The following HECTD4 variants were observed in gnomAD, a reference collection of about 807,000 sequenced individuals.
The protein encoded by HECTD4 is probable E3 ubiquitin-protein ligase HECTD4.
In HECTD4, 114 loss-of-function variants were observed where a neutral mutation model predicts 471.5. That is an observed-to-expected ratio of 0.24 (90% CI 0.21 to 0.28). The LOEUF is 0.28. Among genes scored for constraint, HECTD4 ranks in the 10% least tolerant of loss-of-function variants. HECTD4 has a pLI of 1.00. For missense variants in HECTD4, 3,866 were observed against 5,651.5 expected (o/e 0.68, Z 10.13); for synonymous variants, 2,012 against 2,256.0 (o/e 0.89, Z 3.07).
At chr12:112,171,827 A>G (rs1365966847) in intron 67 of HECTD4, among the ~76,000 whole-genome samples, 6 of 152,236 alleles carry the variant, frequency 3.9e-5, no homozygotes, top group Non-Finnish European at 8.8e-5. Flanking sequence ...AGCCCCTGGG[A>G]CGAGTGTAAT....
At chr12:112,278,362 C>T (rs764556216) in intron 9 of HECTD4, among the ~76,000 whole-genome samples, 2 of 152,084 alleles carry the variant, frequency 1.3e-5, no homozygotes, top group African/African-American at 4.8e-5. Flanking sequence ...TTCAATAAAG[C>T]CACCGCCCCC....
At chr12:112,308,144 T>C (rs1233220490) in intron 6 of HECTD4, among the ~76,000 whole-genome samples, 1 of 152,250 alleles carries the variant, frequency 6.6e-6, no homozygotes, top group Non-Finnish European at 1.5e-5. Context: ...ATCAGTCAAA[T>C]GTCTGGCAGT....
At chr12:112,339,028 A>G (rs539443749) in intron 1 of HECTD4, among the ~76,000 whole-genome samples, 138 of 152,262 alleles carry the variant, frequency 9.1e-4, no homozygotes, top group African/African-American at 3.3e-3. Flanking sequence ...ACCATATAGG[A>G]TAACATTTAC....
At chr12:112,180,365 T>C (rs1201183330) in intron 62 of HECTD4, among the ~76,000 whole-genome samples, 1 of 151,882 alleles carries the variant, frequency 6.6e-6, no homozygotes, top group African/African-American at 2.4e-5. Flanking sequence ...CTGGGCAATA[T>C]GGTGAAGCAA....
At position 112,258,058 on chromosome 12, in the gene HECTD4, G is replaced by A. The variant is rs150785881; in HGVS notation, c.3128+438C>T. On this transcript the variant is annotated intron_variant, in intron 20 of 75. Coordinates refer to ENST00000682272, the MANE Select transcript of HECTD4 (RefSeq NM_001388303.1). ...ACAAAAATTAGCTGGGTGTGGTGGC[G>A]TACGCCTGTAATCCTAGCTACTCAT... Among the ~76,000 whole-genome samples, 178 of 152,108 alleles carry A rather than the reference G, an allele frequency of 1.2e-3. 1 individual carries two copies. The highest frequency in any genetic ancestry group is 3.4e-3 in the Middle Eastern group (1 of 294).
intron 49 of HECTD4, among the ~76,000 whole-genome samples, chr12:112,212,174 T>C (rs940215870): frequency 2.0e-5 from 3 of 152,248 alleles, no homozygotes; most frequent in Non-Finnish European, 4.4e-5. Flanking sequence ...CAAAATTTAC[T>C]TAATCACATA....
At chr12:112,258,676 T>C in intron 19 of HECTD4, 80 bp from the exon 20 acceptor site, 1 of 1,097,088 alleles carries the variant, frequency 9.1e-7, no homozygotes, top group South Asian at 1.6e-5. Context: ...CTTAGAGGTC[T>C]CTCTTAAATC....
chr12:112,258,097 G>A (rs1341671781), intron 20 of HECTD4, among the ~76,000 whole-genome samples: 1 of 152,010 alleles, frequency 6.6e-6, no homozygotes, highest in Non-Finnish European at 1.5e-5. Flanking sequence ...GCTGAGACAG[G>A]AGAATTGCTT....
chr12:112,202,995 G>A (rs899024260), intron 54 of HECTD4: 3 of 152,066 alleles, frequency 2.0e-5, no homozygotes, highest in African/African-American at 7.3e-5. Flanking sequence ...CTGTTGCCCA[G>A]GCTGGAGAAC....
intron 19 of HECTD4, chr12:112,258,835 T>C: frequency 1.8e-6 from 1 of 555,566 alleles, no homozygotes; most frequent in South Asian, 2.7e-5. Context: ...CAAACTATAA[T>C]GGTAGGTTTT....
chr12:112,381,904 G>A lies in HECTD4; in HGVS notation c.177+48C>T. 1 of 1,200,602 alleles carries A rather than the reference G, an allele frequency of 8.3e-7. No homozygotes were observed. The highest frequency in any genetic ancestry group is 1.0e-6 in the Non-Finnish European group (1 of 962,830). The allele number at this position is 1,200,602 out of a possible 1,614,324, so 74.4% of individuals were successfully genotyped here. ...GAGGGGGCCCGACCCGGGGGTGCCG[G>A]GCGAGTGGGTCAGTCCGATGGCGGG... On this transcript the variant is annotated intron_variant, in intron 1 of 75. Coordinates refer to ENST00000682272, the MANE Select transcript of HECTD4 (RefSeq NM_001388303.1). This position sits in a 1 kb window ranked among gnomAD's most constrained non-coding sequence, Gnocchi z 4.1.
At chr12:112,252,055 A>C (rs1171076337) in intron 23 of HECTD4, among the ~76,000 whole-genome samples, 1 of 152,184 alleles carries the variant, frequency 6.6e-6, no homozygotes, top group Non-Finnish European at 1.5e-5. Context: ...TACAGGTGTG[A>C]GCCACCACGC....
chr12:112,340,055 AG>A (rs2036028733), intron 1 of HECTD4, among the ~76,000 whole-genome samples: 1 of 152,060 alleles, frequency 6.6e-6, no homozygotes, highest in Non-Finnish European at 1.5e-5. Flanking sequence ...AAAAAAAAAA[AG>A]AAAAGAAAAC....
At chr12:112,200,565 G>A in intron 55 of HECTD4, 73 bp downstream of exon 55, 2 of 1,440,066 alleles carry the variant, frequency 1.4e-6, no homozygotes, top group Non-Finnish European at 1.9e-6. Flanking sequence ...GAGGATAAAT[G>A]GTACATGGTA....
At chr12:112,196,588 G>A (rs1399526721) in intron 55 of HECTD4, among the ~76,000 whole-genome samples, 1 of 152,240 alleles carries the variant, frequency 6.6e-6, no homozygotes, top group Non-Finnish European at 1.5e-5. Context: ...GGACGGAACT[G>A]TTTGTTTTGT....
At position 112,217,159 on chromosome 12, in the gene HECTD4, G is replaced by T; in HGVS notation, c.7111C>A (p.Pro2371Thr). 1 of 1,551,906 alleles carries T rather than the reference G, an allele frequency of 6.4e-7. No individual in the cohort carries two copies. The highest frequency in any genetic ancestry group is 8.7e-7 in the Non-Finnish European group (1 of 1,150,086). ...GAGAACATGCAGGCTCGAACAGGCG[G>T]AAACACTCGCGAGGGGCTCCAAGTA... ...EITWSPSRVF[P>T]PVRACMFSSH... is the part of the protein sequence containing the mutation. Residue 2371 changes from proline to threonine, a missense_variant, in exon 46 of 76, where the codon CCG becomes ACG. Physicochemically the swap from Pro to Thr is conservative, Grantham distance 38. This residue lies in a region of HECTD4 where 617 missense variants were observed against 915.1 expected (regional missense o/e 0.67). Transcript: ENST00000682272.
intron 1 of HECTD4, among the ~76,000 whole-genome samples, chr12:112,336,590 T>C (rs1212224307): frequency 6.6e-6 from 1 of 151,986 alleles, no homozygotes; most frequent in Admixed American, 6.6e-5. Context: ...TTTAATTATA[T>C]TAAATAATTA....
chr12:112,177,913 A>AG (rs781359905), intron 64 of HECTD4, among the ~76,000 whole-genome samples: 3 of 152,228 alleles, frequency 2.0e-5, no homozygotes, highest in Non-Finnish European at 4.4e-5. Context: ...AATGGTCCGG[A>AG]GGAAGAGTGG....
chr12:112,197,324 TAAAAAAA>T (rs568584785), intron 55 of HECTD4, among the ~76,000 whole-genome samples: 2 of 150,632 alleles, frequency 1.3e-5, no homozygotes, highest in African/African-American at 4.9e-5. Flanking sequence ...CTTTATTTAT[TAAAAAAA>T]AAATTTGAGA....
Sources: gnomAD v4.1 joint callset for allele counts (sites outside exome capture counted in the v4.1 genomes callset) on GRCh38, gnomAD v4.1.1 for gene constraint, gnomAD v4.1.1 regional missense constraint, Gnocchi (gnomAD v3.1) non-coding constraint, MANE v1.5 for transcripts, NCBI Gene and HGNC (gene_info 2026-07-23, HGNC 2026-07-21) for gene names.